ITPK1: variants seen among roughly 807,000 people sequenced by gnomAD.
The protein encoded by ITPK1 is inositol-tetrakisphosphate 1-kinase, also known as inositol 1,3,4-trisphosphate 5/6-kinase.
Under a neutral mutation model 45.3 loss-of-function variants are expected in ITPK1, and 21 were observed. The ratio of observed to expected loss-of-function variants is 0.46; its 90% CI spans 0.33 to 0.67. ITPK1 has a LOEUF of 0.67. Ranked by LOEUF, ITPK1 falls within the 30% of genes least tolerant of loss-of-function variation. ITPK1 has a pLI of 0.02. For missense variants in ITPK1, 474 were observed against 573.5 expected (o/e 0.83, Z 1.77); for synonymous variants, 258 against 253.6 (o/e 1.02, Z -0.16).
rs554011451 is a variant in ITPK1, at chr14:93,016,589, C to T, written c.246+87G>A. ...GACTATACCTCCAGAGAGCTGCTACCGCCCTAAATACACACACGGCCATTC... is the reference window on the plus strand; with the variant it reads ...GACTATACCTCCAGAGAGCTGCTACTGCCCTAAATACACACACGGCCATTC... On this transcript the variant is annotated intron_variant, in intron 4 of 10. Transcript: ENST00000267615. The surrounding 1 kb of genome is among the most constrained non-coding windows in gnomAD (Gnocchi z 5.0). 9.0e-6 allele frequency: 13 copies of T among 1,450,052 alleles called. No individual in the cohort carries two copies. The highest frequency in any genetic ancestry group is 7.2e-5 in the South Asian group (6 of 83,622). 89.8% of individuals were successfully genotyped at this position (1,450,052 alleles called of 1,614,324 possible).
chr14:93,091,175 A>T (rs1297311976), intron 2 of ITPK1, among the ~76,000 whole-genome samples: 5 of 152,260 alleles, frequency 3.3e-5, no homozygotes, highest in African/African-American at 9.6e-5. Context: ...GAAGAGAAAA[A>T]GTTCTTTAAA....
chr14:93,016,545 TG>T lies in ITPK1; in HGVS notation c.246+130del. 1 of 1,042,832 alleles carries T rather than the reference TG, an allele frequency of 9.6e-7. No homozygotes were observed. The highest frequency in any genetic ancestry group is 1.4e-6 in the Non-Finnish European group (1 of 712,398). The allele number at this position is 1,042,832 out of a possible 1,614,324, so 64.6% of individuals were successfully genotyped here. On this transcript the variant is annotated intron_variant, in intron 4 of 10. Transcript: ENST00000267615. This position sits in a 1 kb window ranked among gnomAD's most constrained non-coding sequence, Gnocchi z 5.0. ...TGCCCACGAGCCCATGTCTTGCCAG[TG>T]GCAGAGCCATTTCTCCAGACTATAC...
chr14:92,951,459 C>A (rs1887951051), intron 9 of ITPK1, among the ~76,000 whole-genome samples: 3 of 152,282 alleles, frequency 2.0e-5, no homozygotes, highest in South Asian at 4.1e-4. Context: ...TGACACTGGC[C>A]ACAGCAACAC....
At chr14:92,965,259 C>T (rs1308427065) in intron 5 of ITPK1, among the ~76,000 whole-genome samples, 2 of 152,196 alleles carry the variant, frequency 1.3e-5, no homozygotes, top group Non-Finnish European at 2.9e-5. Context: ...CAATAGAGGA[C>T]AAAAACCACA....
intron 3 of ITPK1, among the ~76,000 whole-genome samples, chr14:93,052,073 A>G (rs1890038412): frequency 6.6e-6 from 1 of 152,218 alleles, no homozygotes; most frequent in Admixed American, 6.5e-5. Context: ...GGAATAAGAC[A>G]GCAGAAAGCA....
chr14:92,996,370 G>A (rs1201750219), intron 4 of ITPK1, among the ~76,000 whole-genome samples: 2 of 151,696 alleles, frequency 1.3e-5, no homozygotes, highest in Non-Finnish European at 2.9e-5. Flanking sequence ...ACTCATAGGT[G>A]GGAATTGAAC....
At chr14:92,968,854 C>T (rs1885507007) in intron 5 of ITPK1, among the ~76,000 whole-genome samples, 1 of 152,218 alleles carries the variant, frequency 6.6e-6, no homozygotes, top group Non-Finnish European at 1.5e-5. Context: ...AACTGAGACT[C>T]GCCCAGCCAC....
At chr14:92,968,492 C>T (rs1885488936) in intron 5 of ITPK1, among the ~76,000 whole-genome samples, 1 of 152,166 alleles carries the variant, frequency 6.6e-6, no homozygotes. Context: ...GTCCTCCCTA[C>T]ACACGCATTG....
At chr14:93,052,066 A>G (rs1307840078) in intron 3 of ITPK1, among the ~76,000 whole-genome samples, 1 of 152,244 alleles carries the variant, frequency 6.6e-6, no homozygotes, top group African/African-American at 2.4e-5. Context: ...TGGAAGGGGA[A>G]TAAGACAGCA....
In ITPK1 at chr14:92,940,795, G is replaced by GGGCCTCCAGCCAGGC. The variant is rs1887330071; in HGVS notation, c.*751_*765dup. ...TCCTCAGCACAGGCGCCATCGGCTC[G>GGGCCTCCAGCCAGGC]GGCCTCCAGCCAGGCAGCCTCCTTC... On this transcript the variant is annotated 3_prime_UTR_variant, in exon 11 of 11. Coordinates refer to ENST00000267615, the MANE Select transcript of ITPK1 (RefSeq NM_014216.6). The GGGCCTCCAGCCAGGC allele has an allele frequency of 1.5e-5, 19 of 1,281,562 alleles. 1 individual carries two copies. In the Middle Eastern group the frequency reaches 4.6e-3, roughly 308 times the overall value. 79.4% of individuals were successfully genotyped at this position (1,281,562 alleles called of 1,614,324 possible).
At chr14:93,111,395 TC>T (rs35257418) in intron 2 of ITPK1, among the ~76,000 whole-genome samples, 1 of 151,728 alleles carries the variant, frequency 6.6e-6, no homozygotes, top group African/African-American at 2.4e-5. Flanking sequence ...ATTTCTTCAC[TC>T]CCCCTCTGAA....
At chr14:93,091,056 C>T (rs1891846457) in intron 2 of ITPK1, among the ~76,000 whole-genome samples, 1 of 152,196 alleles carries the variant, frequency 6.6e-6, no homozygotes, top group Admixed American at 6.5e-5. Flanking sequence ...GGAGATGGCT[C>T]ACCGTGTGCT....
At chr14:93,044,715 C>T (rs74626720) in intron 3 of ITPK1, among the ~76,000 whole-genome samples, 1,646 of 152,282 alleles carry the variant, frequency 0.011, 17 homozygotes, top group South Asian at 0.019. Flanking sequence ...GACAGCAACA[C>T]GGCAGAGAGG....
chr14:92,960,781 G>C (rs1222720241), intron 7 of ITPK1, among the ~76,000 whole-genome samples: 1 of 152,252 alleles, frequency 6.6e-6, no homozygotes, highest in East Asian at 1.9e-4. Context: ...GGGGGCCTGG[G>C]GACCAACGCT....
In ITPK1 at chr14:93,032,083, C is replaced by G. The variant is rs1472045144; in HGVS notation, c.121-15282G>C. Reference sequence around the variant, plus strand: ...GTAACAAAGCAGCCGGGTGCAGTGGCTCACGCCTGTCATCCCAGCACTTTA... The same window carrying G: ...GTAACAAAGCAGCCGGGTGCAGTGGGTCACGCCTGTCATCCCAGCACTTTA... On this transcript the variant is annotated intron_variant, in intron 3 of 10. Transcript: ENST00000267615. The surrounding 1 kb of genome is among the most constrained non-coding windows in gnomAD (Gnocchi z 4.0). Among the ~76,000 whole-genome samples the G allele has an allele frequency of 6.6e-6, 1 of 152,104 alleles. No individual in the cohort carries two copies. The highest frequency in any genetic ancestry group is 1.5e-5 in the Non-Finnish European group (1 of 68,044).
intron 5 of ITPK1, among the ~76,000 whole-genome samples, chr14:92,965,071 T>C (rs987020559): frequency 1.3e-5 from 2 of 152,196 alleles, no homozygotes; most frequent in African/African-American, 2.4e-5. Flanking sequence ...CAGGAGGTCA[T>C]ACCCAGACCA....
intron 3 of ITPK1, chr14:93,066,124 A>G (rs1890732994): frequency 2.9e-6 from 1 of 340,120 alleles, no homozygotes; most frequent in Non-Finnish European, 5.9e-6. Context: ...TAGCAAGCAC[A>G]GACCCTCGAG....
chr14:93,018,425 C>T (rs1302810126), intron 3 of ITPK1, among the ~76,000 whole-genome samples: 1 of 152,140 alleles, frequency 6.6e-6, no homozygotes, highest in African/African-American at 2.4e-5. Flanking sequence ...CCTTACTAAA[C>T]TCCTCTCCGT....
intron 3 of ITPK1, among the ~76,000 whole-genome samples, chr14:93,050,350 A>G (rs1206742086): frequency 1.3e-5 from 2 of 152,118 alleles, no homozygotes; most frequent in Non-Finnish European, 2.9e-5. Context: ...ACCTGGCTGC[A>G]AGCCCCCGAA....
Sources: gnomAD v4.1 joint callset for allele counts (sites outside exome capture counted in the v4.1 genomes callset) on GRCh38, gnomAD v4.1.1 for gene constraint, Gnocchi (gnomAD v3.1) non-coding constraint, MANE v1.5 for transcripts, NCBI Gene and HGNC (gene_info 2026-07-23, HGNC 2026-07-21) for gene names.